Variants in IGSF5 observed in about 807,000 individuals in gnomAD.
IGSF5 encodes immunoglobulin superfamily 5 like.
Under a neutral mutation model 39.4 loss-of-function variants are expected in IGSF5, and 41 were observed. The observed-to-expected ratio is 1.04, with a 90% CI of 0.81 to 1.35. IGSF5 has a LOEUF of 1.35. Ranked by LOEUF, IGSF5 falls within the 40% of genes most tolerant of loss-of-function variation. The pLI is 0.00. For synonymous variants in IGSF5, 183 were observed against 175.3 expected, an observed-to-expected ratio of 1.04 and a Z score of -0.34; for missense variants, 487 against 494.6, an observed-to-expected ratio of 0.98 and a Z score of 0.15.
upstream of IGSF5, among the ~76,000 whole-genome samples, chr21:39,743,201 C>T (rs1407816066): frequency 6.6e-6 from 1 of 152,180 alleles, no homozygotes; most frequent in Non-Finnish European, 1.5e-5. Flanking sequence ...GGACTGCCTG[C>T]TGCCCTGTGG....
chr21:39,729,540 A>T, the IGSF5 span: 1 of 152,288 alleles, frequency 6.6e-6, no homozygotes, highest in Non-Finnish European at 1.5e-5. Context: ...AGAGGAGCAC[A>T]TTGTAGTCTC....
the IGSF5 span, among the ~76,000 whole-genome samples, chr21:39,725,175 G>A: frequency 6.6e-6 from 1 of 152,242 alleles, no homozygotes; most frequent in African/African-American, 2.4e-5. Flanking sequence ...CTGCTACAGA[G>A]TCTGCCTTGC....
At chr21:39,787,382 G>C (rs1405330789) in intron 5 of IGSF5, among the ~76,000 whole-genome samples, 1 of 152,146 alleles carries the variant, frequency 6.6e-6, no homozygotes, top group Admixed American at 6.6e-5. Context: ...AATCAAGCTT[G>C]ATATATAGAA....
the IGSF5 span, among the ~76,000 whole-genome samples, chr21:39,712,159 A>G: frequency 6.6e-6 from 1 of 152,184 alleles, no homozygotes; most frequent in Non-Finnish European, 1.5e-5. Flanking sequence ...AGAATATTGC[A>G]TCTTGGAGTG....
chr21:39,760,421 TAG>T (rs1023636328), intron 2 of IGSF5, among the ~76,000 whole-genome samples: 14 of 152,296 alleles, frequency 9.2e-5, no homozygotes, highest in African/African-American at 3.1e-4. Flanking sequence ...GGCCAGGGGT[TAG>T]AGACTGCATT....
chr21:39,728,551 C>T, the IGSF5 span, among the ~76,000 whole-genome samples: 4 of 152,258 alleles, frequency 2.6e-5, no homozygotes, highest in East Asian at 7.7e-4. Context: ...GTTTGAGCTG[C>T]CCAGTGGTGG....
chr21:39,799,205 T>G (rs1377247772), intron 8 of IGSF5, among the ~76,000 whole-genome samples: 3 of 152,224 alleles, frequency 2.0e-5, no homozygotes, highest in Non-Finnish European at 4.4e-5. Context: ...GGGGCAGTCC[T>G]TGTTCTTGCC....
At chr21:39,759,744 G>A (rs1314886015) in intron 2 of IGSF5, among the ~76,000 whole-genome samples, 1 of 151,890 alleles carries the variant, frequency 6.6e-6, no homozygotes, top group Non-Finnish European at 1.5e-5. Context: ...GCACGCAACT[G>A]TAGTCCCAGC....
the IGSF5 span, among the ~76,000 whole-genome samples, chr21:39,738,211 T>G: frequency 2.6e-5 from 4 of 152,132 alleles, no homozygotes; most frequent in African/African-American, 4.8e-5. The surrounding 1 kb of genome is among the most constrained non-coding windows in gnomAD (Gnocchi z 6.4). Context: ...GGAGGCCTCA[T>G]AATCATGACA....
At chr21:39,780,246 T>G (rs186991053) in intron 5 of IGSF5, among the ~76,000 whole-genome samples, 61 of 152,310 alleles carry the variant, frequency 4.0e-4, no homozygotes, top group Non-Finnish European at 6.6e-4. Context: ...AAAGACACAT[T>G]GGCTTTAAGA....
At chr21:39,748,124 G>A (rs8128424) in intron 2 of IGSF5, among the ~76,000 whole-genome samples, 14,771 of 151,820 alleles carry the variant, frequency 0.097, 2,316 homozygotes, top group African/African-American at 0.34. Flanking sequence ...GAAGCAGGGT[G>A]GGTTAAATAG....
chr21:39,753,138 G>A (rs1278758041), intron 2 of IGSF5, among the ~76,000 whole-genome samples: 2 of 152,114 alleles, frequency 1.3e-5, no homozygotes, highest in Non-Finnish European at 2.9e-5. Context: ...ATAGATTTAA[G>A]TCTTTCATCT....
intron 6 of IGSF5, among the ~76,000 whole-genome samples, chr21:39,790,907 C>T (rs2086960350): frequency 6.6e-6 from 1 of 152,138 alleles, no homozygotes; most frequent in Non-Finnish European, 1.5e-5. Context: ...ATAGCATTTA[C>T]ATTGTATTAG....
intron 4 of IGSF5, among the ~76,000 whole-genome samples, chr21:39,776,290 T>C (rs983793687): frequency 6.6e-6 from 1 of 152,078 alleles, no homozygotes; most frequent in Non-Finnish European, 1.5e-5. Flanking sequence ...CAGCACTAAA[T>C]CATGCCTCTT....
At chr21:39,771,749 C>T (rs2080115802) in intron 4 of IGSF5, among the ~76,000 whole-genome samples, 1 of 152,168 alleles carries the variant, frequency 6.6e-6, no homozygotes, top group African/African-American at 2.4e-5. Context: ...AAGTTTAGAT[C>T]CCCCTAAAGA....
Position 39,770,957 on chromosome 21 carries a change from G to T in IGSF5, c.460G>T (p.Ala154Ser), listed in dbSNP as rs201139705. The change falls in exon 4 of 9, where the codon GCT (alanine) becomes TCT (serine). Residue 154 changes from alanine to serine, a missense_variant. Physicochemically the swap from Ala to Ser is moderately conservative, Grantham distance 99. Transcript: ENST00000380588. ...CATTCCCAGTGTTAATCTTGTAGTC[G>T]CTGAGAATGAACCTTGTGAAGTTAC... Reference protein sequence around the residue: ...LFIPSVNLVVAENEPCEVTCL... With the variant: ...LFIPSVNLVVSENEPCEVTCL... The T allele has an allele frequency of 8.1e-6, 13 of 1,598,896 alleles. No individual in the cohort carries two copies. Among genetic ancestry groups the T allele is most frequent in the Non-Finnish European group, 1.1e-5 (13 of 1,171,918 alleles).
chr21:39,771,893 T>G (rs892888594), intron 4 of IGSF5, among the ~76,000 whole-genome samples: 7 of 152,050 alleles, frequency 4.6e-5, no homozygotes, highest in Non-Finnish European at 8.8e-5. Context: ...ACTTAACATT[T>G]TACAAAAAAG....
At chr21:39,739,047 C>T in the IGSF5 span, among the ~76,000 whole-genome samples, 1 of 152,130 alleles carries the variant, frequency 6.6e-6, no homozygotes, top group Non-Finnish European at 1.5e-5. Flanking sequence ...CGCCACCACG[C>T]CCAGCTAATT....
chr21:39,758,180 G>A (rs899200953), intron 2 of IGSF5, among the ~76,000 whole-genome samples: 2 of 152,104 alleles, frequency 1.3e-5, no homozygotes, highest in African/African-American at 4.8e-5. Flanking sequence ...TGGAGTGTAG[G>A]GGGAAGACAA....
Sources: gnomAD v4.1 joint callset for allele counts (sites outside exome capture counted in the v4.1 genomes callset) on GRCh38, gnomAD v4.1.1 for gene constraint, Gnocchi (gnomAD v3.1) non-coding constraint, MANE v1.5 for transcripts, NCBI Gene and HGNC (gene_info 2026-07-23, HGNC 2026-07-21) for gene names.